FANCB: variants seen among roughly 807,000 people sequenced by gnomAD.
FANCB encodes the protein Fanconi anemia group B protein.
Under a neutral mutation model 38.9 loss-of-function variants are expected in FANCB, and 5 were observed. The observed-to-expected ratio is 0.13, with a 90% CI of 0.07 to 0.27. FANCB has a LOEUF of 0.27. Ranked by LOEUF, FANCB falls within the 10% of genes least tolerant of loss-of-function variation. The pLI, the probability that FANCB is intolerant of heterozygous loss-of-function variation, is 1.00. For missense variants in FANCB, 573 were observed against 602.7 expected (o/e 0.95, Z 0.52); for synonymous variants, 236 against 215.4 (o/e 1.10, Z -0.84).
At chrX:14,727,548 C>G in the FANCB span, among the ~76,000 whole-genome samples, 1 of 112,149 alleles carries the variant, frequency 8.9e-6, no homozygotes, top group African/African-American at 3.2e-5. Flanking sequence ...GTATGTGCTT[C>G]CTTTTCTTGC....
At chrX:14,859,822 C>CTGCAGTACTGTCAGGTAACCAGACAGT (rs2092439118) in intron 3 of FANCB, among the ~76,000 whole-genome samples, 6 of 111,798 alleles carry the variant, frequency 5.4e-5, no homozygotes, top group African/African-American at 1.6e-4. Context: ...TACCTGACAG[C>CTGCAGTACTGTCAGGTAACCAGACAGT]TGCAGTACTG....
the FANCB span, among the ~76,000 whole-genome samples, chrX:14,751,101 G>GCCC: frequency 8.9e-6 from 1 of 111,921 alleles, no homozygotes; most frequent in East Asian, 2.8e-4. Flanking sequence ...GGCATCTCCT[G>GCCC]AAGTTGAGCA....
chrX:14,762,543 TGTTTTCTTTACA>T, the FANCB span, among the ~76,000 whole-genome samples: 1 of 111,893 alleles, frequency 8.9e-6, no homozygotes, highest in East Asian at 2.8e-4. Context: ...GTGCTTCTCC[TGTTTTCTTTACA>T]GTTTTCTTTA....
Position 14,844,712 on chromosome X carries a change from A to C in FANCB, c.1956T>G (p.Leu652=). 2 of 1,210,492 alleles carry C rather than the reference A, an allele frequency of 1.7e-6. No homozygotes were observed. The highest frequency in any genetic ancestry group is 2.2e-6 in the Non-Finnish European group (2 of 894,091). ...IEHMEDLFAL[L]AAFHKSCFQI... ...GAAAACAAGATTTATGGAATGCTGC[A>C]AGAAGTGCAAAAAGATCTTCCATGT... The change falls in exon 9 of 10, where the codon CTT becomes CTG. Residue 652 remains leucine, a synonymous_variant. Transcript: ENST00000650831.
the FANCB span, among the ~76,000 whole-genome samples, chrX:14,719,850 T>C: frequency 8.9e-6 from 1 of 112,164 alleles, no homozygotes; most frequent in East Asian, 2.8e-4. Flanking sequence ...TCATACATAA[T>C]GGAGTACTAT....
the FANCB span, among the ~76,000 whole-genome samples, chrX:14,744,008 T>C: frequency 8.9e-6 from 1 of 112,052 alleles, no homozygotes; most frequent in African/African-American, 3.2e-5. Context: ...AGATCCTATT[T>C]CCAAGTAAGG....
At chrX:14,721,120 C>CAA in the FANCB span, among the ~76,000 whole-genome samples, 4 of 71,679 alleles carry the variant, frequency 5.6e-5, no homozygotes, top group African/African-American at 1.6e-4. Flanking sequence ...GACCCTGTCT[C>CAA]AAAAAAAAAA....
In FANCB at chrX:14,849,569, T is replaced by C. The variant is rs184400223; in HGVS notation, c.1496+936A>G. ...TGTTAGACTGCAGATATAGATGGCATGCACAATACTTCTCTATCCATGATT... is the reference window on the plus strand; with the variant it reads ...TGTTAGACTGCAGATATAGATGGCACGCACAATACTTCTCTATCCATGATT... On this transcript the variant is annotated intron_variant, in intron 7 of 9. Coordinates refer to ENST00000650831, the MANE Select transcript of FANCB (RefSeq NM_001018113.3). Among the ~76,000 whole-genome samples the C allele has an allele frequency of 7.9e-3, 886 of 112,317 alleles. 29 individuals carry two copies. Among genetic ancestry groups the C allele is most frequent in the Admixed American group, 0.075 (797 of 10,597 alleles).
chrX:14,750,056 G>A, the FANCB span, among the ~76,000 whole-genome samples: 2 of 112,094 alleles, frequency 1.8e-5, no homozygotes, highest in Admixed American at 9.5e-5. Context: ...GTCACAGAAC[G>A]TACAATAAAT....
the FANCB span, among the ~76,000 whole-genome samples, chrX:14,815,373 T>TAA: frequency 4.5e-4 from 42 of 93,262 alleles, no homozygotes; most frequent in East Asian, 2.4e-3. Flanking sequence ...CCATAAAAGG[T>TAA]AAAAAAAAAA....
chrX:14,848,911 C>G (rs890394233), intron 7 of FANCB, among the ~76,000 whole-genome samples: 3 of 110,248 alleles, frequency 2.7e-5, no homozygotes, highest in African/African-American at 9.9e-5. Flanking sequence ...AAGCAGTGAC[C>G]CCCCCGGACC....
chrX:14,801,247 G>T, the FANCB span, among the ~76,000 whole-genome samples: 1 of 112,058 alleles, frequency 8.9e-6, no homozygotes, highest in Non-Finnish European at 1.9e-5. Flanking sequence ...TCTTGGAAGA[G>T]TCAGGATTTG....
the FANCB span, among the ~76,000 whole-genome samples, chrX:14,763,861 T>C: frequency 9.0e-6 from 1 of 111,508 alleles, no homozygotes; most frequent in Admixed American, 9.6e-5. Context: ...TTACAAATAG[T>C]TGTTGAATCA....
At chrX:14,754,943 CAACAAAATACT>C in the FANCB span, among the ~76,000 whole-genome samples, 5 of 111,552 alleles carry the variant, frequency 4.5e-5, no homozygotes, top group Non-Finnish European at 9.4e-5. Flanking sequence ...CAAAAATCCT[CAACAAAATACT>C]AGCAAACCAA....
the FANCB span, among the ~76,000 whole-genome samples, chrX:14,747,267 C>T: frequency 8.9e-6 from 1 of 112,545 alleles, no homozygotes; most frequent in Non-Finnish European, 1.9e-5. Context: ...TGATCTATGA[C>T]TCAACAGGTA....
At chrX:14,807,488 A>T in the FANCB span, among the ~76,000 whole-genome samples, 2 of 112,395 alleles carry the variant, frequency 1.8e-5, no homozygotes, top group Non-Finnish European at 3.8e-5. Flanking sequence ...ATGTATTACG[A>T]TAAGTTAGGA....
chrX:14,835,225 C>A (rs1483954675), downstream of FANCB: 1 of 510,625 alleles, frequency 2.0e-6, no homozygotes, highest in African/African-American at 2.3e-5. Context: ...TCATTATCCA[C>A]CTTAAAGTGA....
At chrX:14,841,169 C>A (rs1247601233), downstream of FANCB, among the ~76,000 whole-genome samples, 1 of 112,113 alleles carries the variant, frequency 8.9e-6, no homozygotes, top group Non-Finnish European at 1.9e-5. Flanking sequence ...TTGCACCACA[C>A]TGTCTTTAGC....
At chrX:14,824,234 C>A in the FANCB span, among the ~76,000 whole-genome samples, 1 of 111,740 alleles carries the variant, frequency 8.9e-6, no homozygotes, top group African/African-American at 3.3e-5. Context: ...ACTGGGACCT[C>A]CAAACACACA....
Sources: allele counts gnomAD v4.1 joint callset (sites outside exome capture counted in the v4.1 genomes callset), GRCh38; gene constraint gnomAD v4.1.1; transcripts MANE v1.5; gene names NCBI Gene and HGNC (gene_info 2026-07-23, HGNC 2026-07-21).